SORCS1: variants seen among roughly 807,000 people sequenced by gnomAD.
SORCS1 encodes the protein sortilin related VPS10 domain containing receptor 1.
Under a neutral mutation model 146.1 loss-of-function variants are expected in SORCS1, and 60 were observed. The observed-to-expected ratio is 0.41, with a 90% CI of 0.33 to 0.51. The LOEUF is 0.51. Among genes scored for constraint, SORCS1 ranks in the 20% least tolerant of loss-of-function variants. The pLI is 0.21. For synonymous variants in SORCS1, 637 were observed against 584.0 expected, an observed-to-expected ratio of 1.09 and a Z score of -1.31; for missense variants, 1,352 against 1,487.6, an observed-to-expected ratio of 0.91 and a Z score of 1.50.
chr10:107,065,581 G>A (rs1961766023), intron 1 of SORCS1, among the ~76,000 whole-genome samples: 1 of 146,094 alleles, frequency 6.8e-6, no homozygotes, highest in Non-Finnish European at 1.5e-5. Flanking sequence ...GCAGTGGCGT[G>A]ATCTCAACTC....
intron 3 of SORCS1, among the ~76,000 whole-genome samples, chr10:106,799,911 G>C (rs917274029): frequency 3.3e-5 from 5 of 152,140 alleles, no homozygotes; most frequent in Non-Finnish European, 7.4e-5. Context: ...TCCTAAAAGG[G>C]GAATTGCCTT....
intron 5 of SORCS1, among the ~76,000 whole-genome samples, chr10:106,734,796 C>T (rs1589764653): frequency 6.6e-6 from 1 of 152,136 alleles, no homozygotes; most frequent in East Asian, 1.9e-4. Flanking sequence ...TAATTTATTT[C>T]TTCTCTTTTT....
chr10:106,796,434 GT>G (rs1231957855), intron 3 of SORCS1, among the ~76,000 whole-genome samples: 24 of 152,112 alleles, frequency 1.6e-4, no homozygotes, highest in Non-Finnish European at 2.6e-4. Flanking sequence ...TATCAAATTT[GT>G]TTTTTTCCCT....
At chr10:106,831,569 T>C (rs1322606203) in intron 2 of SORCS1, among the ~76,000 whole-genome samples, 1 of 152,164 alleles carries the variant, frequency 6.6e-6, no homozygotes, top group Admixed American at 6.5e-5. Context: ...CAAATTCCTA[T>C]AGGCCATAAC....
At chr10:107,123,178 G>T (rs1590188201) in intron 1 of SORCS1, among the ~76,000 whole-genome samples, 1 of 152,032 alleles carries the variant, frequency 6.6e-6, no homozygotes, top group Non-Finnish European at 1.5e-5. Flanking sequence ...TTACAAGGGG[G>T]TATATGGTAA....
intron 6 of SORCS1, among the ~76,000 whole-genome samples, chr10:106,725,337 A>G (rs1373008427): frequency 6.6e-6 from 1 of 151,776 alleles, no homozygotes; most frequent in East Asian, 1.9e-4. Flanking sequence ...ATCACCTGAG[A>G]TCAGGAGTTC....
chr10:106,964,707 C>T (rs1252274940), intron 1 of SORCS1, among the ~76,000 whole-genome samples: 2 of 151,946 alleles, frequency 1.3e-5, no homozygotes, highest in Non-Finnish European at 2.9e-5. Flanking sequence ...AGGATAGTTT[C>T]GATCTCCTGA....
chr10:106,996,206 G>A (rs781063673), intron 1 of SORCS1, among the ~76,000 whole-genome samples: 13 of 142,480 alleles, frequency 9.1e-5, no homozygotes, highest in Non-Finnish European at 1.5e-4. Context: ...CAGCCTGGGC[G>A]ACAGAGCGAG....
At chr10:106,719,495 C>T (rs927217220) in intron 6 of SORCS1, among the ~76,000 whole-genome samples, 8 of 151,656 alleles carry the variant, frequency 5.3e-5, no homozygotes, top group Admixed American at 5.3e-4. Flanking sequence ...TCACTGCAAC[C>T]TCCGTCTCCC....
At chr10:106,870,964 G>A (rs563613740) in intron 2 of SORCS1, among the ~76,000 whole-genome samples, 1 of 152,074 alleles carries the variant, frequency 6.6e-6, no homozygotes, top group African/African-American at 2.4e-5. Context: ...TCTGACAAAG[G>A]TCTAATATCC....
At chr10:106,657,847 G>C (rs987064309) in intron 17 of SORCS1, among the ~76,000 whole-genome samples, 7 of 151,570 alleles carry the variant, frequency 4.6e-5, no homozygotes, top group Non-Finnish European at 1.0e-4. Context: ...CTACAAATTA[G>C]GGATAATTAT....
At chr10:106,597,270 C>A (rs759538254) in intron 24 of SORCS1, 81 bp downstream of exon 24, 14 of 1,107,522 alleles carry the variant, frequency 1.3e-5, no homozygotes, top group Non-Finnish European at 1.9e-5. Flanking sequence ...TACCATCTAG[C>A]CTTTTTATGA....
At chr10:106,754,723 C>T (rs1324653005) in intron 5 of SORCS1, among the ~76,000 whole-genome samples, 1 of 152,144 alleles carries the variant, frequency 6.6e-6, no homozygotes, top group Non-Finnish European at 1.5e-5. Context: ...TAAGGATAAA[C>T]ATTTATCCTT....
chr10:106,832,876 A>C (rs1948615818), intron 2 of SORCS1, among the ~76,000 whole-genome samples: 1 of 152,168 alleles, frequency 6.6e-6, no homozygotes, highest in South Asian at 2.1e-4. Context: ...AGTTTCTTAT[A>C]ATTTCTATTA....
chr10:106,676,849 G>A (rs1465723927), intron 13 of SORCS1, among the ~76,000 whole-genome samples: 1 of 152,116 alleles, frequency 6.6e-6, no homozygotes, highest in Non-Finnish European at 1.5e-5. Context: ...GGCCTCCCAG[G>A]TAGTATCAAG....
intron 1 of SORCS1, among the ~76,000 whole-genome samples, chr10:107,056,472 G>T (rs1960649082): frequency 6.6e-6 from 1 of 152,176 alleles, no homozygotes; most frequent in Non-Finnish European, 1.5e-5. Context: ...ATTGTTCTCT[G>T]CCAATTTCTG....
At chr10:106,745,294 C>T (rs958976339) in intron 5 of SORCS1, among the ~76,000 whole-genome samples, 7 of 151,886 alleles carry the variant, frequency 4.6e-5, no homozygotes, top group African/African-American at 1.7e-4. Flanking sequence ...TGCCTGTAGT[C>T]CCAGCTACTC....
chr10:106,577,921 T>C (rs2133183316), intron 25 of SORCS1: 1 of 179,632 alleles, frequency 5.6e-6, no homozygotes, highest in Middle Eastern at 2.6e-3. Flanking sequence ...TCATTATCTA[T>C]GATAGGAGCC....
chr10:106,883,080 A>C (rs1009748550), intron 2 of SORCS1, among the ~76,000 whole-genome samples: 4 of 152,202 alleles, frequency 2.6e-5, no homozygotes, highest in Non-Finnish European at 5.9e-5. Flanking sequence ...GCATCTTTGG[A>C]GATATCCATC....
Sources: gnomAD v4.1 joint callset for allele counts (sites outside exome capture counted in the v4.1 genomes callset) on GRCh38, gnomAD v4.1.1 for gene constraint, MANE v1.5 for transcripts, NCBI Gene and HGNC (gene_info 2026-07-23, HGNC 2026-07-21) for gene names.